The following WRN variants were observed in gnomAD, a reference collection of about 807,000 sequenced individuals.
WRN encodes the protein WRN RecQ like helicase, also known as bifunctional 3'-5' exonuclease/ATP-dependent helicase WRN.
WRN carries 149 observed loss-of-function variants against 180.7 expected under a neutral mutation model. That is an observed-to-expected ratio of 0.82 (90% CI 0.72 to 0.94). The LOEUF is 0.94. Among genes scored for constraint, WRN ranks in the 40% least tolerant of loss-of-function variants. The pLI is 0.00. For missense variants in WRN, 1,661 were observed against 1,700.1 expected, an observed-to-expected ratio of 0.98 and a Z score of 0.40; for synonymous variants, 548 against 568.9, an observed-to-expected ratio of 0.96 and a Z score of 0.52.
chr8:31,107,654 A>G (rs1233131577), intron 18 of WRN, among the ~76,000 whole-genome samples: 1 of 152,158 alleles, frequency 6.6e-6, no homozygotes, highest in Non-Finnish European at 1.5e-5. Context: ...TTCTGATTCC[A>G]GTTATACTAG....
chr8:31,148,443 C>T (rs186654001), intron 30 of WRN, among the ~76,000 whole-genome samples: 31 of 152,226 alleles, frequency 2.0e-4, no homozygotes, highest in African/African-American at 7.0e-4. Context: ...ATTCAAGGCC[C>T]TCTATTTATG....
chr8:31,132,318 T>C (rs1802210649), intron 23 of WRN, 47 bp from the exon 24 acceptor site: 1 of 1,596,484 alleles, frequency 6.3e-7, no homozygotes, highest in Non-Finnish European at 8.5e-7. Flanking sequence ...TTTCTAAAGA[T>C]ACATGCCTTT....
intron 1 of WRN, among the ~76,000 whole-genome samples, chr8:31,053,991 A>G (rs1812173790): frequency 6.6e-6 from 1 of 152,244 alleles, no homozygotes; most frequent in Non-Finnish European, 1.5e-5. Context: ...CACCCTTGAA[A>G]TACATACAAT....
At position 31,087,812 on chromosome 8, in the gene WRN, A is replaced by T. The variant is rs758101797; in HGVS notation, c.1468A>T (p.Thr490Ser). 1 of 1,613,780 alleles carries T rather than the reference A, an allele frequency of 6.2e-7. No homozygotes were observed. Among genetic ancestry groups the T allele is most frequent in the Non-Finnish European group, 8.5e-7 (1 of 1,179,826 alleles). Residue 490 changes from threonine (T) to serine (S), a missense_variant, in exon 12 of 35, where the codon ACT becomes TCT. This residue lies in a region of WRN where 1,141 missense variants were observed against 1,149.4 expected (regional missense o/e 0.99). Coordinates refer to ENST00000298139, the MANE Select transcript of WRN (RefSeq NM_000553.6). ...ENLNSGTVEP[T>S]HSKCLKMERN... is the part of the protein sequence containing the mutation. ...CCTCAATAGTGGCACGGTAGAACCA[A>T]CTCATTCTAAATGCTTAAAAATGGA...
intron 11 of WRN, 128 bp downstream of exon 11, chr8:31,085,374 T>G: frequency 2.0e-6 from 2 of 1,011,332 alleles, no homozygotes; most frequent in Non-Finnish European, 3.0e-6. Context: ...TAACATTAGA[T>G]TTCACATTTT....
chr8:31,114,142 A>G (rs542802897), intron 19 of WRN, among the ~76,000 whole-genome samples: 28 of 152,304 alleles, frequency 1.8e-4, no homozygotes, highest in Non-Finnish European at 3.4e-4. Flanking sequence ...GCAGTGAGGT[A>G]GAGGGTAATT....
intron 28 of WRN, 39 bp downstream of exon 28, chr8:31,143,662 A>G (rs375231429): frequency 1.5e-5 from 21 of 1,420,878 alleles, no homozygotes; most frequent in South Asian, 6.0e-5. Context: ...TACTTGCTTT[A>G]TGAGTACTTT....
intron 24 of WRN, among the ~76,000 whole-genome samples, chr8:31,134,731 T>G (rs1241229067): frequency 6.6e-6 from 1 of 152,224 alleles, no homozygotes; most frequent in Non-Finnish European, 1.5e-5. Flanking sequence ...GTAGTTTTGA[T>G]AATACATGAT....
At chr8:31,159,156 C>T (rs1270675986) in intron 33 of WRN, among the ~76,000 whole-genome samples, 1 of 151,800 alleles carries the variant, frequency 6.6e-6, no homozygotes, top group Non-Finnish European at 1.5e-5. Context: ...GAAAATTAGC[C>T]AGACGTGGTG....
intron 1 of WRN, among the ~76,000 whole-genome samples, chr8:31,054,604 T>C (rs1183786506): frequency 1.3e-5 from 2 of 152,136 alleles, no homozygotes; most frequent in Non-Finnish European, 2.9e-5. Flanking sequence ...TGAAAAATTG[T>C]AGATAGTGGT....
chr8:31,119,067 C>T (rs946527865), intron 20 of WRN, among the ~76,000 whole-genome samples: 1 of 151,934 alleles, frequency 6.6e-6, no homozygotes, highest in Admixed American at 6.6e-5. Flanking sequence ...GAGTCTTATT[C>T]AGCCAGAGCT....
intron 24 of WRN, among the ~76,000 whole-genome samples, chr8:31,134,825 A>T (rs776384788): frequency 5.8e-4 from 89 of 152,302 alleles, no homozygotes; most frequent in Non-Finnish European, 1.1e-3. Flanking sequence ...AGGATTATCC[A>T]TCCTGTTTTC....
chr8:31,101,904 T>G (rs1405809569), intron 18 of WRN, among the ~76,000 whole-genome samples: 1 of 151,920 alleles, frequency 6.6e-6, no homozygotes, highest in East Asian at 1.9e-4. Context: ...TTTTTTATTT[T>G]GAAAATTGTA....
At chr8:31,059,940 C>G (rs893646211) in intron 3 of WRN, among the ~76,000 whole-genome samples, 4 of 152,028 alleles carry the variant, frequency 2.6e-5, no homozygotes, top group African/African-American at 9.7e-5. Flanking sequence ...CCTGTAGTCT[C>G]AGCTACTCAG....
intron 20 of WRN, 156 bp from the exon 21 acceptor site, chr8:31,120,087 C>A: frequency 1.2e-6 from 1 of 815,594 alleles, no homozygotes; most frequent in South Asian, 1.5e-5. Flanking sequence ...GTAAATCAGG[C>A]AGATAATCTG....
intron 24 of WRN, among the ~76,000 whole-genome samples, chr8:31,138,395 A>C (rs1353380165): frequency 6.6e-6 from 1 of 152,152 alleles, no homozygotes; most frequent in East Asian, 1.9e-4. Flanking sequence ...TACTATAATG[A>C]AACTAATTAA....
chr8:31,151,614 G>T (rs1465770161), intron 31 of WRN, among the ~76,000 whole-genome samples: 1 of 152,144 alleles, frequency 6.6e-6, no homozygotes, highest in Non-Finnish European at 1.5e-5. Context: ...TTGGACACTT[G>T]AAAGTAGTAT....
chr8:31,110,160 C>A (rs1035868740), intron 18 of WRN, among the ~76,000 whole-genome samples: 2 of 152,066 alleles, frequency 1.3e-5, no homozygotes, highest in African/African-American at 4.8e-5. Flanking sequence ...AATTTTTAAA[C>A]CTCCCTTATT....
intron 1 of WRN, among the ~76,000 whole-genome samples, chr8:31,053,169 C>T (rs1050622825): frequency 6.6e-6 from 1 of 152,112 alleles, no homozygotes; most frequent in African/African-American, 2.4e-5. Flanking sequence ...AAAGAGAAGT[C>T]CCCAGACCAA....
Sources: allele counts gnomAD v4.1 joint callset (sites outside exome capture counted in the v4.1 genomes callset), GRCh38; gene constraint gnomAD v4.1.1; regional missense constraint gnomAD v4.1.1; transcripts MANE v1.5; gene names NCBI Gene and HGNC (gene_info 2026-07-23, HGNC 2026-07-21).